Variants in RPS24 observed in about 807,000 individuals in gnomAD.
RPS24 encodes ribosomal protein S24.
For synonymous variants in RPS24, 72 were observed against 55.6 expected (o/e 1.30, Z -1.31); for missense variants, 100 against 162.5 (o/e 0.62, Z 2.09).
rs930990648 is a variant in RPS24 at position 78,040,236 on chromosome 10, A to G, written c.*19+11A>G. On this transcript the variant is annotated intron_variant, in intron 5 of 5. Transcript: ENST00000372360. ...GAGATTGGATCACAGGTATAATTCA[A>G]GCTTTTCATGTAGTCATGTAGATCA... The G allele has an allele frequency of 1.9e-6, 3 of 1,611,994 alleles. No homozygotes were observed. Among genetic ancestry groups the G allele is most frequent in the African/African-American group, 2.7e-5 (2 of 74,820 alleles).
At chr10:78,040,760 AT>A, downstream of RPS24, 1 of 1,190,050 alleles carries the variant, frequency 8.4e-7, no homozygotes, top group East Asian at 2.4e-5. Flanking sequence ...TAGTCTGCTG[AT>A]TTCAGTTGCT....
At chr10:78,054,398 C>A in intron 4 of RPS24, 1 of 845,368 alleles carries the variant, frequency 1.2e-6, no homozygotes, top group Non-Finnish European at 1.8e-6. Flanking sequence ...CAAGCTTTGG[C>A]TCTGACTGCT....
At chr10:78,034,293 C>G (rs935388751) in intron 1 of RPS24, 1 of 320,256 alleles carries the variant, frequency 3.1e-6, no homozygotes, top group African/African-American at 2.1e-5. Flanking sequence ...GAAGAAGGTG[C>G]GGGCAGCGCC....
At chr10:78,050,832 C>T (rs1005599502) in intron 4 of RPS24, among the ~76,000 whole-genome samples, 13 of 152,008 alleles carry the variant, frequency 8.6e-5, no homozygotes, top group East Asian at 7.8e-4. Context: ...CATTATGTTG[C>T]GCCTCCTGGC....
At chr10:78,043,346 C>T (rs1280714139), downstream of RPS24, among the ~76,000 whole-genome samples, 2 of 152,160 alleles carry the variant, frequency 1.3e-5, no homozygotes, top group Non-Finnish European at 1.5e-5. Flanking sequence ...CCTGGACCCA[C>T]GCTGGAAAGG....
chr10:78,043,360 T>C (rs1484643214), downstream of RPS24, among the ~76,000 whole-genome samples: 2 of 152,150 alleles, frequency 1.3e-5, no homozygotes, highest in Non-Finnish European at 2.9e-5. Flanking sequence ...GGAAAGGGTG[T>C]AGAGCAGTTA....
downstream of RPS24, among the ~76,000 whole-genome samples, chr10:78,043,311 A>C (rs529810656): frequency 6.6e-6 from 1 of 152,268 alleles, no homozygotes; most frequent in South Asian, 2.1e-4. Context: ...CCTAATCTGC[A>C]TGTTAACTCC....
At chr10:78,055,983 C>T (rs1044329282) in exon 5 of RPS24, 8 of 152,372 alleles carry the variant, frequency 5.3e-5, no homozygotes, top group Non-Finnish European at 8.8e-5. Flanking sequence ...AAACTCCTGA[C>T]CTCATGATCC....
intron 4 of RPS24, among the ~76,000 whole-genome samples, chr10:78,052,214 C>T (rs7072762): frequency 0.027 from 4,080 of 151,918 alleles, 192 homozygotes; most frequent in African/African-American, 0.093. Flanking sequence ...TTAGTAGAGA[C>T]GGGGTTTCAC....
downstream of RPS24, among the ~76,000 whole-genome samples, chr10:78,041,875 T>C (rs1428411188): frequency 6.6e-6 from 1 of 152,190 alleles, no homozygotes; most frequent in Non-Finnish European, 1.5e-5. Flanking sequence ...CCTGAATGAT[T>C]GAAGGTTGGC....
chr10:78,052,497 C>T (rs1848109021), intron 4 of RPS24, among the ~76,000 whole-genome samples: 2 of 152,138 alleles, frequency 1.3e-5, no homozygotes, highest in African/African-American at 4.8e-5. Flanking sequence ...TTATTGTCCC[C>T]ATTTCATAGT....
chr10:78,055,246 C>T (rs1421857405), exon 5 of RPS24: 9 of 467,490 alleles, frequency 1.9e-5, no homozygotes, highest in African/African-American at 2.0e-5. Flanking sequence ...GCTCCAGCGG[C>T]TCCTACCACA....
At chr10:78,045,185 T>C (rs1272549794), downstream of RPS24, among the ~76,000 whole-genome samples, 1 of 152,028 alleles carries the variant, frequency 6.6e-6, no homozygotes, top group Non-Finnish European at 1.5e-5. Context: ...ACGGAGTTTT[T>C]CCATGTTGGT....
At chr10:78,034,370 C>T (rs1172976913) in intron 1 of RPS24, 3 of 209,796 alleles carry the variant, frequency 1.4e-5, no homozygotes, top group South Asian at 1.6e-4. Flanking sequence ...CTGGATGGAT[C>T]TTCATGTTTC....
At chr10:78,055,539 A>G (rs1589337918) in exon 5 of RPS24, 1 of 152,820 alleles carries the variant, frequency 6.5e-6, no homozygotes, top group South Asian at 2.1e-4. Context: ...GCTGCGGTGG[A>G]AACTCAGGCA....
At chr10:78,036,238 C>T (rs370607580) in intron 3 of RPS24, 6 of 178,994 alleles carry the variant, frequency 3.4e-5, no homozygotes, top group East Asian at 2.8e-4. Flanking sequence ...TTTATCCTAT[C>T]CTGTTAGATA....
intron 3 of RPS24, among the ~76,000 whole-genome samples, chr10:78,036,779 T>G (rs1847877966): frequency 6.6e-6 from 1 of 152,106 alleles, no homozygotes; most frequent in African/African-American, 2.4e-5. Flanking sequence ...GATGAGTAGA[T>G]CCGGAATCTC....
At chr10:78,048,200 T>C (rs994431301) in intron 4 of RPS24, among the ~76,000 whole-genome samples, 7 of 152,194 alleles carry the variant, frequency 4.6e-5, no homozygotes. Context: ...GTCAGTAAGG[T>C]GGAATCTCTC....
In RPS24 at chr10:78,037,292, T is replaced by A. The variant is rs151246531; in HGVS notation, c.378T>A (p.Gly126=). 1 of 1,601,972 alleles carries A rather than the reference T, an allele frequency of 6.2e-7. No individual in the cohort carries two copies. The highest frequency in any genetic ancestry group is 8.5e-7 in the Non-Finnish European group (1 of 1,173,964). Residue 126 remains glycine (G), a synonymous_variant, in exon 4 of 6, where the codon GGT becomes GGA. Coordinates refer to ENST00000372360, the MANE Select transcript of RPS24 (RefSeq NM_033022.4). ...GGGGGACTGCAAAGGCCAATGTTGG[T>A]GCTGGCAAAAAGGTATAGTTCATTA... ...KVRGTAKANV[G]AGKK
Sources: allele counts gnomAD v4.1 joint callset (sites outside exome capture counted in the v4.1 genomes callset), GRCh38; gene constraint gnomAD v4.1.1; transcripts MANE v1.5; gene names NCBI Gene and HGNC (gene_info 2026-07-23, HGNC 2026-07-21).